LAMA2: variants seen among roughly 807,000 people sequenced by gnomAD.
LAMA2 encodes laminin subunit alpha 2.
LAMA2 carries 269 observed loss-of-function variants against 364.8 expected under a neutral mutation model. That is an observed-to-expected ratio of 0.74 (90% CI 0.67 to 0.82). The LOEUF (loss-of-function observed/expected upper bound fraction) is 0.82, where lower values mean the gene tolerates loss of function less well. LAMA2 is among the 40% of genes least tolerant of loss of function. The pLI is 0.00. For missense variants in LAMA2, 3,807 were observed against 3,873.2 expected (o/e 0.98, Z 0.45); for synonymous variants, 1,379 against 1,370.6 (o/e 1.01, Z -0.14).
intron 18 of LAMA2, among the ~76,000 whole-genome samples, chr6:129,284,280 C>G (rs1788941279): frequency 6.6e-6 from 1 of 152,116 alleles, no homozygotes; most frequent in African/African-American, 2.4e-5. Flanking sequence ...CCCTTTCACT[C>G]CTCCATCCGA....
intron 1 of LAMA2, among the ~76,000 whole-genome samples, chr6:128,892,895 T>C (rs1776547127): frequency 2.0e-5 from 3 of 151,816 alleles, no homozygotes; most frequent in Non-Finnish European, 4.4e-5. Context: ...GAAAATCATA[T>C]AGTACTCTAA....
At chr6:129,467,559 T>C (rs1189225845) in intron 51 of LAMA2, among the ~76,000 whole-genome samples, 1 of 151,874 alleles carries the variant, frequency 6.6e-6, no homozygotes, top group Non-Finnish European at 1.5e-5. Context: ...CTAAGCTGAA[T>C]TGGCTAATGC....
At chr6:129,020,102 G>GAAAAAAA (rs57907508) in intron 1 of LAMA2, among the ~76,000 whole-genome samples, 1 of 134,204 alleles carries the variant, frequency 7.5e-6, no homozygotes, top group African/African-American at 2.9e-5. Context: ...GAAAAAAAAA[G>GAAAAAAA]AAAAAAAAAA....
Position 129,415,945 on chromosome 6 carries a change from C to CTT in LAMA2, c.5866-11787_5866-11786dup, listed in dbSNP as rs952225363. On this transcript the variant is annotated intron_variant, in intron 40 of 64. Coordinates refer to ENST00000421865, the MANE Select transcript of LAMA2 (RefSeq NM_000426.4). ...TTTGCTGAAATTATACACTTTCTTT[C>CTT]TTTTTTTTTTTTTTTTTTTTTGAGA... Among the ~76,000 whole-genome samples, 43 of 33,692 alleles carry CTT rather than the reference C, an allele frequency of 1.3e-3. 1 individual carries two copies. Among genetic ancestry groups the CTT allele is most frequent in the Non-Finnish European group, 1.7e-3 (33 of 18,938 alleles). The allele number at this position is 33,692 out of a possible 152,430, so 22.1% of individuals were successfully genotyped here. A position where few individuals can be genotyped will look rare whatever the true frequency, so the allele number is the denominator to read the frequency against.
intron 36 of LAMA2, among the ~76,000 whole-genome samples, chr6:129,391,996 G>T (rs571845117): frequency 1.0e-3 from 159 of 152,226 alleles, no homozygotes; most frequent in Admixed American, 1.8e-3. Flanking sequence ...CTGCATTAGG[G>T]ACTTTTGGAC....
intron 37 of LAMA2, among the ~76,000 whole-genome samples, chr6:129,395,297 T>G (rs1463013490): frequency 1.3e-5 from 2 of 152,238 alleles, no homozygotes; most frequent in Non-Finnish European, 2.9e-5. Context: ...ACACAATTAA[T>G]ACCCAACTCA....
At chr6:129,433,508 A>G (rs1781698651) in intron 41 of LAMA2, among the ~76,000 whole-genome samples, 1 of 152,116 alleles carries the variant, frequency 6.6e-6, no homozygotes, top group African/African-American at 2.4e-5. Flanking sequence ...AAGTAATCAC[A>G]TTTCCATGAA....
At chr6:129,270,554 G>A in intron 16 of LAMA2, 70 bp from the exon 17 acceptor site, 3 of 1,522,542 alleles carry the variant, frequency 2.0e-6, no homozygotes, top group South Asian at 2.2e-5. Flanking sequence ...TGACTTCGTA[G>A]ACCTATTTTT....
chr6:128,895,066 T>C (rs1430520767), intron 1 of LAMA2, among the ~76,000 whole-genome samples: 1 of 152,170 alleles, frequency 6.6e-6, no homozygotes, highest in East Asian at 1.9e-4. Flanking sequence ...AAGGTAAATT[T>C]TGCAATCAGA....
chr6:129,310,141 C>T (rs933784274), intron 22 of LAMA2, among the ~76,000 whole-genome samples: 1 of 151,858 alleles, frequency 6.6e-6, no homozygotes, highest in Non-Finnish European at 1.5e-5. Context: ...CCTCGTGATC[C>T]GCCCGCCTCG....
intron 34 of LAMA2, among the ~76,000 whole-genome samples, chr6:129,376,202 C>T (rs1398920268): frequency 2.6e-5 from 4 of 152,150 alleles, no homozygotes; most frequent in Non-Finnish European, 5.9e-5. Flanking sequence ...CATCTGGACC[C>T]CTACGGATTG....
At chr6:129,160,074 T>C (rs914796034) in intron 8 of LAMA2, among the ~76,000 whole-genome samples, 1 of 152,210 alleles carries the variant, frequency 6.6e-6, no homozygotes, top group Non-Finnish European at 1.5e-5. Context: ...TTTCTTATAA[T>C]GTTTTTGTCA....
At chr6:129,497,345 C>T (rs1238205636) in intron 58 of LAMA2, among the ~76,000 whole-genome samples, 1 of 152,060 alleles carries the variant, frequency 6.6e-6, no homozygotes, top group East Asian at 1.9e-4. Flanking sequence ...TCAGGCGATC[C>T]TCATGCCTCA....
chr6:128,922,002 C>T (rs1351481930), intron 1 of LAMA2, among the ~76,000 whole-genome samples: 2 of 151,930 alleles, frequency 1.3e-5, no homozygotes, highest in African/African-American at 4.8e-5. Context: ...ATGATGATTT[C>T]CAGTTTCATC....
chr6:128,997,476 C>A (rs745420137), intron 1 of LAMA2, among the ~76,000 whole-genome samples: 2 of 152,104 alleles, frequency 1.3e-5, no homozygotes, highest in Non-Finnish European at 2.9e-5. Flanking sequence ...AAATTGAAGA[C>A]ACAAACTGGC....
intron 12 of LAMA2, among the ~76,000 whole-genome samples, chr6:129,230,414 G>A (rs566225072): frequency 6.6e-6 from 1 of 152,200 alleles, no homozygotes; most frequent in South Asian, 2.1e-4. Context: ...AGAATATGGA[G>A]ATAGCAAGTG....
At position 129,270,604 on chromosome 6, in the gene LAMA2, G is replaced by T; in HGVS notation, c.2323-20G>T. 1 of 1,612,402 alleles carries T rather than the reference G, an allele frequency of 6.2e-7. No homozygotes were observed. The highest frequency in any genetic ancestry group is 8.5e-7 in the Non-Finnish European group (1 of 1,178,926). On this transcript the variant is annotated intron_variant, in intron 16 of 64. Transcript: ENST00000421865. Reference sequence around the variant, plus strand: ...CCCTGACACCAAAATAATAAACTCTGATGCTCATTTCTTTCTCAGAACTGT... The same window carrying T: ...CCCTGACACCAAAATAATAAACTCTTATGCTCATTTCTTTCTCAGAACTGT...
At chr6:129,004,803 T>C (rs1784342006) in intron 1 of LAMA2, among the ~76,000 whole-genome samples, 1 of 152,188 alleles carries the variant, frequency 6.6e-6, no homozygotes, top group South Asian at 2.1e-4. Context: ...TAAATACTAC[T>C]AATTAATATA....
intron 3 of LAMA2, among the ~76,000 whole-genome samples, chr6:129,068,434 C>T (rs551349642): frequency 6.6e-6 from 1 of 152,294 alleles, no homozygotes; most frequent in South Asian, 2.1e-4. Flanking sequence ...TGGTGAGGGT[C>T]TGCTTCCTGG....
Sources: allele counts gnomAD v4.1 joint callset (sites outside exome capture counted in the v4.1 genomes callset), GRCh38; gene constraint gnomAD v4.1.1; transcripts MANE v1.5; gene names NCBI Gene and HGNC (gene_info 2026-07-23, HGNC 2026-07-21).